The following CDH23 variants were observed in gnomAD, a reference collection of about 807,000 sequenced individuals.
CDH23 encodes cadherin-23.
A neutral mutation model predicts 317.1 loss-of-function variants in CDH23; 189 were observed. That is an observed-to-expected ratio of 0.60 (90% CI 0.53 to 0.67). The LOEUF is 0.67. CDH23 is among the 30% of genes least tolerant of loss of function. The pLI, the probability that CDH23 is intolerant of heterozygous loss-of-function variation, is 0.00. For synonymous variants in CDH23, 1,839 were observed against 1,876.8 expected, an observed-to-expected ratio of 0.98 and a Z score of 0.52; for missense variants, 4,401 against 4,592.4, an observed-to-expected ratio of 0.96 and a Z score of 1.20.
At chr10:71,497,961 C>T (rs1589137356) in intron 3 of CDH23, among the ~76,000 whole-genome samples, 3 of 152,190 alleles carry the variant, frequency 2.0e-5, no homozygotes, top group African/African-American at 7.2e-5. Flanking sequence ...TCCTACTGAC[C>T]TCAGATGCAA....
At chr10:71,495,831 A>AGGAAG (rs1564615558) in intron 3 of CDH23, among the ~76,000 whole-genome samples, 6 of 148,434 alleles carry the variant, frequency 4.0e-5, no homozygotes, top group African/African-American at 1.3e-4. Flanking sequence ...AAAGAAAGAA[A>AGGAAG]GAAAGAAAGA....
chr10:71,405,925 C>CA (rs1258989969), intron 1 of CDH23, among the ~76,000 whole-genome samples: 3 of 152,156 alleles, frequency 2.0e-5, no homozygotes, highest in Admixed American at 2.0e-4. Context: ...TGAGAGTCCA[C>CA]AGCTGCACTG....
intron 14 of CDH23, among the ~76,000 whole-genome samples, chr10:71,671,700 C>T (rs1171202283): frequency 6.6e-6 from 1 of 152,060 alleles, no homozygotes; most frequent in Non-Finnish European, 1.5e-5. Context: ...ACAGTGGGTC[C>T]TCTCTGGAGT....
intron 6 of CDH23, among the ~76,000 whole-genome samples, chr10:71,519,219 A>G (rs2894153): frequency 0.99 from 150,137 of 152,306 alleles, 74,010 homozygotes; most frequent in East Asian, 1. Flanking sequence ...CACTCACCGG[A>G]ACACCTTTTA....
At chr10:71,557,838 C>T (rs139936325) in intron 6 of CDH23, among the ~76,000 whole-genome samples, 2 of 152,200 alleles carry the variant, frequency 1.3e-5, no homozygotes, top group East Asian at 3.9e-4. Flanking sequence ...AAATAATCAA[C>T]GTTTTTGAAA....
rs1564734135 is a variant in CDH23, at chr10:71,689,143, GTGGTGGAGTCAGGGA to G, written c.2060-1310_2060-1296del. On this transcript the variant is annotated intron_variant, in intron 19 of 69. Transcript: ENST00000224721. ...GGAGCCAGGGGTGGTGGAGCCAGGG[GTGGTGGAGTCAGGGA>G]TGGTGGAGTCAGGGGTGGTAGAGTC... 4.6e-4 allele frequency among the ~76,000 whole-genome samples: 18 copies of G among 39,078 alleles called. 1 individual carries two copies. Among genetic ancestry groups the G allele is most frequent in the East Asian group, 8.5e-4 (1 of 1,170 alleles). 25.6% of individuals were successfully genotyped at this position (39,078 alleles called of 152,430 possible).
At chr10:71,688,611 C>T (rs796826996) in intron 19 of CDH23, among the ~76,000 whole-genome samples, 1,287 of 90,656 alleles carry the variant, frequency 0.014, 1 homozygote, top group Middle Eastern at 0.06. Context: ...GGTGGTGGAG[C>T]CAGGGGTGGT....
In CDH23 at chr10:71,761,809, G is replaced by C. The variant is rs1381380702; in HGVS notation, c.4846-15871G>C. ...TGTTGGCAGCCTGGTGGCCTCCATG[G>C]TGCAGGTGAAGGTCCTGGAACGTGA... is the stretch of plus-strand genomic sequence containing the variant. On this transcript the variant is annotated intron_variant, in intron 38 of 69. Coordinates refer to ENST00000224721, the MANE Select transcript of CDH23 (RefSeq NM_022124.6). 3.7e-6 allele frequency: 6 copies of C among 1,614,042 alleles called. No individual in the cohort carries two copies. In the Admixed American group the frequency reaches 1.0e-4, roughly 27 times the overall value.
chr10:71,570,416 C>T (rs1324493480), intron 7 of CDH23, among the ~76,000 whole-genome samples: 1 of 152,172 alleles, frequency 6.6e-6, no homozygotes, highest in Admixed American at 6.5e-5. Flanking sequence ...AGGGCAGCAC[C>T]ATATCTACTC....
chr10:71,722,906 A>C (rs1866623091), intron 28 of CDH23, among the ~76,000 whole-genome samples: 1 of 152,124 alleles, frequency 6.6e-6, no homozygotes, highest in Non-Finnish European at 1.5e-5. Context: ...TGTGCAAGAG[A>C]GGGGCTGTTG....
At chr10:71,718,556 G>A (rs1039488027) in intron 28 of CDH23, among the ~76,000 whole-genome samples, 2 of 152,248 alleles carry the variant, frequency 1.3e-5, no homozygotes, top group Admixed American at 1.3e-4. Context: ...GGGATGGGGT[G>A]TGCCCACCGC....
intron 38 of CDH23, chr10:71,755,281 G>A (rs1298384865): frequency 2.3e-6 from 3 of 1,325,212 alleles, no homozygotes; most frequent in East Asian, 2.5e-5. Flanking sequence ...GTGCCTTTGC[G>A]AATCCCAGGG....
intron 6 of CDH23, among the ~76,000 whole-genome samples, chr10:71,518,924 C>T (rs61851647): frequency 0.14 from 21,349 of 152,232 alleles, 1,608 homozygotes; most frequent in Non-Finnish European, 0.17. Flanking sequence ...ACCACCTCTT[C>T]CATGCCCATT....
At chr10:71,649,540 G>T (rs765573614) in intron 14 of CDH23, among the ~76,000 whole-genome samples, 2 of 152,074 alleles carry the variant, frequency 1.3e-5, no homozygotes, top group African/African-American at 2.4e-5. Context: ...TGTCCTAGCA[G>T]GGGTGGAAGG....
intron 69 of CDH23, among the ~76,000 whole-genome samples, chr10:71,813,955 A>G (rs1266058253): frequency 3.9e-5 from 6 of 152,186 alleles, no homozygotes; most frequent in South Asian, 2.1e-4. Context: ...ATAGGCCTAC[A>G]TATGTTTGCC....
intron 9 of CDH23, among the ~76,000 whole-genome samples, chr10:71,590,074 C>T (rs1034363628): frequency 2.0e-5 from 3 of 152,194 alleles, no homozygotes; most frequent in Non-Finnish European, 4.4e-5. Flanking sequence ...AGCACTTGAG[C>T]GGGCTGCCAC....
In CDH23 at chr10:71,510,062, C is replaced by A; in HGVS notation, c.146-20C>A. 6.2e-7 allele frequency: 1 copy of A among 1,613,988 alleles called. No homozygotes were observed. The highest frequency in any genetic ancestry group is 8.5e-7 in the Non-Finnish European group (1 of 1,179,872). Reference sequence around the variant, plus strand: ...TGACCTCTCTTATTTTCCCTCTGCTCTCTCCCTTGGCTACTCCAGGTTCTT... The same window carrying A: ...TGACCTCTCTTATTTTCCCTCTGCTATCTCCCTTGGCTACTCCAGGTTCTT... On this transcript the variant is annotated intron_variant, in intron 3 of 69. Coordinates refer to ENST00000224721, the MANE Select transcript of CDH23 (RefSeq NM_022124.6).
At chr10:71,755,210 G>A (rs886183979) in intron 38 of CDH23, 4 of 802,888 alleles carry the variant, frequency 5.0e-6, no homozygotes, top group Non-Finnish European at 6.1e-6. Flanking sequence ...ATTTCGCCCA[G>A]CTCCTGGCGG....
intron 7 of CDH23, among the ~76,000 whole-genome samples, chr10:71,567,328 A>G (rs2132361142): frequency 6.6e-6 from 1 of 152,302 alleles, no homozygotes; most frequent in East Asian, 1.9e-4. Flanking sequence ...GCTCTCTGGG[A>G]CACAGGACAG....
Sources: allele counts gnomAD v4.1 joint callset (sites outside exome capture counted in the v4.1 genomes callset), GRCh38; gene constraint gnomAD v4.1.1; transcripts MANE v1.5; gene names NCBI Gene and HGNC (gene_info 2026-07-23, HGNC 2026-07-21).